Variants in HEATR5A observed in about 807,000 individuals in gnomAD.
HEATR5A encodes the protein HEAT repeat-containing protein 5A.
A neutral mutation model predicts 218.8 loss-of-function variants in HEATR5A; 178 were observed. The observed-to-expected ratio is 0.81, with a 90% CI of 0.72 to 0.92. The LOEUF is 0.92. Among genes scored for constraint, HEATR5A ranks in the 40% least tolerant of loss-of-function variants. The probability of loss-of-function intolerance (pLI) is 0.00; values close to 1 mark genes in which losing one functional copy is unlikely to be tolerated. For missense variants in HEATR5A, 2,420 were observed against 2,418.9 expected (o/e 1.00, Z -0.01); for synonymous variants, 864 against 871.6 (o/e 0.99, Z 0.15).
At chr14:31,359,224 C>T (rs1378073484) in intron 14 of HEATR5A, among the ~76,000 whole-genome samples, 167 bp from the exon 15 acceptor site, 1 of 151,728 alleles carries the variant, frequency 6.6e-6, no homozygotes, top group Admixed American at 6.6e-5. Context: ...ATGACTGGCT[C>T]AACTACGTGT....
At chr14:31,377,481 AT>A (rs1902273634) in intron 11 of HEATR5A, among the ~76,000 whole-genome samples, 1 of 152,118 alleles carries the variant, frequency 6.6e-6, no homozygotes, top group Non-Finnish European at 1.5e-5. Flanking sequence ...CTAAAAATTG[AT>A]AATAGCCTGG....
At position 31,337,561 on chromosome 14, in the gene HEATR5A, TA is replaced by T; in HGVS notation, c.3281del (p.Leu1094TyrfsTer27). On this transcript the variant is annotated frameshift_variant, in exon 22 of 36. Coordinates refer to ENST00000543095, the MANE Select transcript of HEATR5A (RefSeq NM_015473.4). LOFTEE classifies it high-confidence loss of function. Reference sequence around the variant, plus strand: ...CTGCTTCTCTTTGTACAAGCTGACGTAAGCAAGCCAGTACTGCTCTTCTCAG... The same window carrying T: ...CTGCTTCTCTTTGTACAAGCTGACGTAGCAAGCCAGTACTGCTCTTCTCAG... ...LLLRRAVLAC[L>X]RQLVQREAAE... 1 of 1,590,920 alleles carries T rather than the reference TA, an allele frequency of 6.3e-7. No homozygotes were observed. Among genetic ancestry groups the T allele is most frequent in the Non-Finnish European group, 8.6e-7 (1 of 1,168,424 alleles).
chr14:31,325,048 T>C (rs1014733418), intron 23 of HEATR5A, among the ~76,000 whole-genome samples: 3 of 152,190 alleles, frequency 2.0e-5, no homozygotes, highest in Non-Finnish European at 2.9e-5. Context: ...GGAAGGCTTG[T>C]GGATTTTAAA....
chr14:31,324,183 G>A (rs183474292), intron 23 of HEATR5A, among the ~76,000 whole-genome samples: 145 of 152,262 alleles, frequency 9.5e-4, no homozygotes, highest in Middle Eastern at 3.4e-3. Context: ...CTCGGGTGTG[G>A]GTGGGATACA....
intron 32 of HEATR5A, among the ~76,000 whole-genome samples, chr14:31,303,605 A>G (rs1362311187): frequency 6.6e-6 from 1 of 152,240 alleles, no homozygotes; most frequent in African/African-American, 2.4e-5. Flanking sequence ...ATTACACATA[A>G]TGCCTCTGTA....
intron 30 of HEATR5A, 132 bp from the exon 31 acceptor site, chr14:31,307,011 T>A: frequency 1.4e-6 from 1 of 698,286 alleles, no homozygotes. Context: ...GCAATAAAGT[T>A]AAGTAACGCT....
rs1490191379 is a variant in HEATR5A at position 31,306,188 on chromosome 14, C to G, written c.4966+544G>C. On this transcript the variant is annotated intron_variant, in intron 31 of 35. Coordinates refer to ENST00000543095, the MANE Select transcript of HEATR5A (RefSeq NM_015473.4). ...TAGAGGTGAATGAGAAGATTTAAAA[C>G]CATGCCAGGCTAGGCATGATGGCTC... Among the ~76,000 whole-genome samples the G allele has an allele frequency of 1.3e-5, 2 of 152,100 alleles. 1 individual carries two copies.
chr14:31,295,557 CTTTTTTTTT>C (rs766889885), intron 34 of HEATR5A: 336 of 108,556 alleles, frequency 3.1e-3, no homozygotes, highest in African/African-American at 9.2e-3. Flanking sequence ...GCCTCCCTTT[CTTTTTTTTT>C]TTTTTTTTTT....
intron 8 of HEATR5A, 145 bp from the exon 9 acceptor site, chr14:31,386,720 T>C: frequency 1.5e-6 from 1 of 662,700 alleles, no homozygotes; most frequent in Non-Finnish European, 2.5e-6. Flanking sequence ...CTAAAATGCT[T>C]AAATGGGGAC....
intron 1 of HEATR5A, among the ~76,000 whole-genome samples, chr14:31,416,451 T>C (rs1046180605): frequency 3.9e-5 from 6 of 152,174 alleles, no homozygotes; most frequent in African/African-American, 1.4e-4. Context: ...AAAGTATATG[T>C]ACAGCTTTAA....
intron 26 of HEATR5A, among the ~76,000 whole-genome samples, chr14:31,316,496 A>T (rs1899916950): frequency 6.6e-6 from 1 of 152,204 alleles, no homozygotes; most frequent in South Asian, 2.1e-4. Context: ...GAAGCAAGGA[A>T]ATCAGTGCTA....
chr14:31,343,975 T>G lies in HEATR5A; in HGVS notation c.3149A>C (p.Gln1050Pro), dbSNP rs953461908. Residue 1050 changes from glutamine to proline, a missense_variant, in exon 21 of 36, where the codon CAG (glutamine) becomes CCG (proline). Transcript: ENST00000543095. ...AAGCTGCTGAAGGCAAGAGATGGCCTGAGCTTGAACAAGGCAGTCTGGGTT... is the reference window on the plus strand; with the variant it reads ...AAGCTGCTGAAGGCAAGAGATGGCCGGAGCTTGAACAAGGCAGTCTGGGTT... ...QDNPDCLVQA[Q>P]AISCLQQLHM... The G allele has an allele frequency of 1.2e-6, 2 of 1,611,886 alleles. No individual in the cohort carries two copies.
At chr14:31,312,300 A>C (rs1899780528) in intron 28 of HEATR5A, among the ~76,000 whole-genome samples, 1 of 152,232 alleles carries the variant, frequency 6.6e-6, no homozygotes, top group Non-Finnish European at 1.5e-5. Flanking sequence ...ATTCTTAATC[A>C]AGGAAATAAG....
In HEATR5A at chr14:31,358,962, G is replaced by A. The variant is rs763840702; in HGVS notation, c.2167C>T (p.His723Tyr). The change falls in exon 15 of 36, where the codon CAT becomes TAT. Residue 723 changes from histidine to tyrosine, a missense_variant. Transcript: ENST00000543095. ...CTTAGTATCAAAAGATCATCCTGATGACAGAGGGGTGGAAGTAAAAATGTA... is the reference window on the plus strand; with the variant it reads ...CTTAGTATCAAAAGATCATCCTGATAACAGAGGGGTGGAAGTAAAAATGTA... ...ASTFLLPPLCHQDDLLILSPF... is the reference protein window; with the variant it reads ...ASTFLLPPLCYQDDLLILSPF... 3.1e-6 allele frequency: 5 copies of A among 1,590,458 alleles called. No homozygotes were observed. The African/African-American group carries it at 6.8e-5, about 22-fold the overall frequency.
chr14:31,383,419 T>C lies in HEATR5A; in HGVS notation c.1596+102A>G, dbSNP rs183200409. ...AATGTACTTATATGGCAGGGCTAGA[T>C]GTACAGCAAAATAAAGCATTCAGTA... On this transcript the variant is annotated intron_variant, in intron 10 of 35. Coordinates refer to ENST00000543095, the MANE Select transcript of HEATR5A (RefSeq NM_015473.4). The C allele has an allele frequency of 8.9e-6, 10 of 1,123,978 alleles. No individual in the cohort carries two copies. In the Admixed American group the frequency reaches 2.1e-4, roughly 24 times the overall value. 69.6% of individuals were successfully genotyped at this position (1,123,978 alleles called of 1,614,324 possible).
intron 31 of HEATR5A, 113 bp from the exon 32 acceptor site, chr14:31,305,290 T>C: frequency 1.9e-6 from 2 of 1,069,338 alleles, no homozygotes; most frequent in African/African-American, 1.6e-5. Flanking sequence ...TGAGACAGAG[T>C]CTCGCTCTGT....
chr14:31,395,569 G>C (rs1235295770), intron 4 of HEATR5A, among the ~76,000 whole-genome samples: 1 of 152,202 alleles, frequency 6.6e-6, no homozygotes, highest in African/African-American at 2.4e-5. Context: ...TCACAGGGTT[G>C]ATGTGAAGAT....
chr14:31,303,140 TAAC>T (rs1664166726), intron 32 of HEATR5A, among the ~76,000 whole-genome samples: 1 of 150,730 alleles, frequency 6.6e-6, no homozygotes, highest in South Asian at 2.1e-4. Flanking sequence ...AACAAAAAAA[TAAC>T]ACCTTTAGTG....
chr14:31,369,634 A>C (rs76689030), intron 13 of HEATR5A, among the ~76,000 whole-genome samples: 4,612 of 145,920 alleles, frequency 0.032, 262 homozygotes, highest in African/African-American at 0.11. Flanking sequence ...AAAAAAAAAA[A>C]AACCCAAAAA....
Sources: allele counts gnomAD v4.1 joint callset (sites outside exome capture counted in the v4.1 genomes callset), GRCh38; gene constraint gnomAD v4.1.1; transcripts MANE v1.5; gene names NCBI Gene and HGNC (gene_info 2026-07-23, HGNC 2026-07-21).